Variants in ZNF431 observed in about 807,000 individuals in gnomAD.
The protein encoded by ZNF431 is zinc finger protein 431.
A neutral mutation model predicts 57.0 loss-of-function variants in ZNF431; 34 were observed. The ratio of observed to expected loss-of-function variants is 0.60; its 90% CI spans 0.45 to 0.79. The LOEUF (loss-of-function observed/expected upper bound fraction) is 0.79, where lower values mean the gene tolerates loss of function less well. ZNF431 is among the 30% of genes least tolerant of loss of function. The pLI is 0.00. For synonymous variants in ZNF431, 207 were observed against 220.3 expected (o/e 0.94, Z 0.54); for missense variants, 607 against 667.1 (o/e 0.91, Z 0.99).
chr19:21,168,369 G>T (rs1030995301), intron 4 of ZNF431, among the ~76,000 whole-genome samples: 7 of 151,380 alleles, frequency 4.6e-5, no homozygotes, highest in African/African-American at 1.7e-4. Flanking sequence ...TCCAAGACAT[G>T]AATTTTTTTT....
chr19:21,148,446 C>G (rs1363076652), intron 2 of ZNF431, among the ~76,000 whole-genome samples: 2 of 152,116 alleles, frequency 1.3e-5, no homozygotes, highest in Non-Finnish European at 2.9e-5. Context: ...TCTCAATGTT[C>G]AATTTCTAGA....
At chr19:21,150,229 G>T in intron 2 of ZNF431, 1 of 525,742 alleles carries the variant, frequency 1.9e-6, no homozygotes, top group Non-Finnish European at 3.6e-6. Context: ...ACTTTCAGCC[G>T]CCTATAGAGG....
At position 21,193,536 on chromosome 19, in the gene ZNF431, A is replaced by C. The variant is rs554186204; in HGVS notation, c.*9502A>C. ...GTGAAACTCCATCTCAAAATAAATT[A>C]ATTAATAAAATAAAAACCTGTGTCA... On this transcript the variant is annotated 3_prime_UTR_variant, in exon 5 of 5. Coordinates refer to ENST00000311048, the MANE Select transcript of ZNF431 (RefSeq NM_133473.4). 1 of 152,264 alleles carries C rather than the reference A, an allele frequency of 6.6e-6. No individual in the cohort carries two copies. Among genetic ancestry groups the C allele is most frequent in the East Asian group, 1.9e-4 (1 of 5,178 alleles). The allele number at this position is 152,264 out of a possible 1,614,324, so 9.4% of individuals were successfully genotyped here.
intron 2 of ZNF431, among the ~76,000 whole-genome samples, chr19:21,148,000 A>ATT (rs140587802): frequency 1.6e-4 from 23 of 145,712 alleles, no homozygotes; most frequent in African/African-American, 3.0e-4. Context: ...ATTTTTTTTA[A>ATT]TTTTTTTTTT....
intron 4 of ZNF431, among the ~76,000 whole-genome samples, chr19:21,176,897 A>G (rs1394373307): frequency 1.3e-5 from 2 of 152,004 alleles, no homozygotes; most frequent in African/African-American, 2.4e-5. Context: ...GGGTTTCACC[A>G]TCTTAGCCAG....
rs1003459124 is a variant in ZNF431, at chr19:21,195,874, A to C, written c.*11840A>C. 2 of 152,372 alleles carry C rather than the reference A, an allele frequency of 1.3e-5. No homozygotes were observed. The highest frequency in any genetic ancestry group is 4.1e-4 in the South Asian group (2 of 4,832). 9.4% of individuals were successfully genotyped at this position (152,372 alleles called of 1,614,324 possible). A position where few individuals can be genotyped will look rare whatever the true frequency, so the allele number is the denominator to read the frequency against. On this transcript the variant is annotated 3_prime_UTR_variant, in exon 5 of 5. Transcript: ENST00000311048. Reference sequence around the variant, plus strand: ...ATCTTTTGTAATGGTGATAGTGATTAGCACACACTGAAAATCCAGCAAAGC... The same window carrying C: ...ATCTTTTGTAATGGTGATAGTGATTCGCACACACTGAAAATCCAGCAAAGC...
intron 4 of ZNF431, among the ~76,000 whole-genome samples, chr19:21,171,015 C>T (rs940406261): frequency 1.3e-5 from 2 of 152,170 alleles, no homozygotes; most frequent in Non-Finnish European, 2.9e-5. Context: ...ATATCAGAGG[C>T]TGTAACCCTA....
At chr19:21,174,624 C>T (rs909544889) in intron 4 of ZNF431, among the ~76,000 whole-genome samples, 4 of 152,078 alleles carry the variant, frequency 2.6e-5, no homozygotes, top group African/African-American at 9.7e-5. Context: ...TAGATTTTTT[C>T]AGTTCTGTTA....
At chr19:21,153,256 A>ACTTTATACAGATACAG (rs1463575037) in intron 2 of ZNF431, among the ~76,000 whole-genome samples, 15 of 152,180 alleles carry the variant, frequency 9.9e-5, no homozygotes, top group Middle Eastern at 3.4e-3. Context: ...GGTCTTTATG[A>ACTTTATACAGATACAG]CCTGTATCTT....
Position 21,182,958 on chromosome 19 carries a change from C to T in ZNF431, c.655C>T (p.Leu219=), listed in dbSNP as rs774015615. Residue 219 remains leucine (L), a synonymous_variant, in exon 5 of 5, where the codon CTA becomes TTA. Coordinates refer to ENST00000311048, the MANE Select transcript of ZNF431 (RefSeq NM_133473.4). The part of the protein sequence containing the change: ...CGKSFCMLLH[L]SQHKRIHIRE... ...CAAATCATTTTGCATGCTTTTACAC[C>T]TAAGTCAACATAAAAGAATTCATAT... 25 of 1,614,026 alleles carry T rather than the reference C, an allele frequency of 1.5e-5. No homozygotes were observed. Among genetic ancestry groups the T allele is most frequent in the East Asian group, 6.7e-5 (3 of 44,872 alleles).
At chr19:21,159,309 CAG>C (rs1379182381) in intron 2 of ZNF431, among the ~76,000 whole-genome samples, 4 of 151,944 alleles carry the variant, frequency 2.6e-5, no homozygotes. Flanking sequence ...GTTTTGGTAT[CAG>C]AATTCTATAT....
chr19:21,154,614 G>A (rs1414938632), intron 2 of ZNF431, among the ~76,000 whole-genome samples: 1 of 152,086 alleles, frequency 6.6e-6, no homozygotes, highest in Non-Finnish European at 1.5e-5. Context: ...CACAATGGTT[G>A]AACTAGTTTA....
intron 4 of ZNF431, among the ~76,000 whole-genome samples, chr19:21,167,981 G>T (rs978163359): frequency 6.6e-6 from 1 of 152,024 alleles, no homozygotes; most frequent in Non-Finnish European, 1.5e-5. Flanking sequence ...TGTTTTGGGG[G>T]ACGCACAAAT....
chr19:21,179,991 C>T (rs1462380749), intron 4 of ZNF431, among the ~76,000 whole-genome samples: 2 of 152,016 alleles, frequency 1.3e-5, no homozygotes, highest in African/African-American at 2.4e-5. Flanking sequence ...TGTTCAGTTT[C>T]GTTGTAGTTG....
At chr19:21,163,491 A>G (rs1568304213) in intron 2 of ZNF431, among the ~76,000 whole-genome samples, 1 of 152,178 alleles carries the variant, frequency 6.6e-6, no homozygotes, top group Non-Finnish European at 1.5e-5. Flanking sequence ...CTGCAGATTC[A>G]CATTACATAG....
chr19:21,175,553 G>A, intron 4 of ZNF431: 2 of 592,616 alleles, frequency 3.4e-6, no homozygotes, highest in Non-Finnish European at 6.0e-6. Context: ...AGCCCTGCAT[G>A]CATTAGCTAT....
intron 2 of ZNF431, among the ~76,000 whole-genome samples, chr19:21,148,719 C>T (rs1222304737): frequency 6.6e-6 from 1 of 152,082 alleles, no homozygotes; most frequent in East Asian, 1.9e-4. Flanking sequence ...TTAGATGTTA[C>T]AATGTTAACT....
intron 4 of ZNF431, among the ~76,000 whole-genome samples, chr19:21,169,069 C>T (rs1568307367): frequency 1.3e-5 from 2 of 151,930 alleles, no homozygotes; most frequent in Non-Finnish European, 2.9e-5. Context: ...TCGGCACCAG[C>T]CCAGCTAAAT....
intron 4 of ZNF431, among the ~76,000 whole-genome samples, chr19:21,182,331 A>T (rs144801326): frequency 6.6e-6 from 1 of 152,326 alleles, no homozygotes; most frequent in African/African-American, 2.4e-5. Flanking sequence ...AGTAGGAAGA[A>T]CTGTGTTGGG....
Sources: gnomAD v4.1 joint callset for allele counts (sites outside exome capture counted in the v4.1 genomes callset) on GRCh38, gnomAD v4.1.1 for gene constraint, MANE v1.5 for transcripts, NCBI Gene and HGNC (gene_info 2026-07-23, HGNC 2026-07-21) for gene names.